Variants in CBLN2 observed in about 807,000 individuals in gnomAD.
The protein encoded by CBLN2 is cerebellin-2.
A neutral mutation model predicts 15.0 loss-of-function variants in CBLN2; 7 were observed. The observed-to-expected ratio is 0.47, with a 90% CI of 0.27 to 0.88. The LOEUF (loss-of-function observed/expected upper bound fraction) is 0.88. Among genes scored for constraint, CBLN2 ranks in the 40% least tolerant of loss-of-function variants. The pLI is 0.14. For synonymous variants in CBLN2, 149 were observed against 135.2 expected (o/e 1.10, Z -0.71); for missense variants, 242 against 304.5 (o/e 0.79, Z 1.53).
At chr18:72,616,009 C>A (rs981449015) in intron 1 of CBLN2, among the ~76,000 whole-genome samples, 1 of 152,174 alleles carries the variant, frequency 6.6e-6, no homozygotes, top group African/African-American at 2.4e-5. Flanking sequence ...AAAAAGCTTT[C>A]AGAAGTTTCC....
In CBLN2 at chr18:72,537,762, G is replaced by A; in HGVS notation, c.*414C>T. 2.2e-5 allele frequency: 6 copies of A among 268,206 alleles called. No homozygotes were observed. The South Asian group carries it at 2.2e-4, about 10-fold the overall frequency. The allele number at this position is 268,206 out of a possible 1,614,324, so 16.6% of individuals were successfully genotyped here. ...AGGACTGTCCAGCAGGTGGTTCTTT[G>A]CTGGGCTCCTACTTCAAGCCCTGAC... On this transcript the variant is annotated 3_prime_UTR_variant, in exon 5 of 5. Coordinates refer to ENST00000269503, the MANE Select transcript of CBLN2 (RefSeq NM_182511.4).
In CBLN2 at chr18:72,542,275, G is replaced by C. The variant is rs8093595; in HGVS notation, c.-115C>G. The C allele has an allele frequency of 0.057, 32,845 of 577,664 alleles. 2,890 individuals carry two copies. Among genetic ancestry groups the C allele is most frequent in the East Asian group, 0.47 (7,138 of 15,266 alleles). The allele number at this position is 577,664 out of a possible 1,614,324, so 35.8% of individuals were successfully genotyped here. A position where few individuals can be genotyped will look rare whatever the true frequency, so the allele number is the denominator to read the frequency against. On this transcript the variant is annotated 5_prime_UTR_variant, in exon 3 of 5. Transcript: ENST00000269503. The stretch of plus-strand genomic sequence containing the variant: ...GCAGCCTCCGGGGGCCTTCGTCCCC[G>C]GCTCTGACGTTCAAGGCCAGGGTCG...
At chr18:72,547,942 G>A (rs1034599881), upstream of CBLN2, among the ~76,000 whole-genome samples, 6 of 152,134 alleles carry the variant, frequency 3.9e-5, no homozygotes, top group African/African-American at 4.8e-5. Context: ...AACATCCGGC[G>A]ATTGTTCTGC....
intron 1 of CBLN2, among the ~76,000 whole-genome samples, chr18:72,629,494 G>C (rs1460070441): frequency 1.3e-5 from 2 of 152,094 alleles, no homozygotes; most frequent in Non-Finnish European, 2.9e-5. Flanking sequence ...CAATGGCCTA[G>C]TGACTTCTAG....
rs535645772 is a variant in CBLN2, at chr18:72,626,655, G to T, written c.15+11670C>A. ...ACAGAGGTAGCAGTGAGCCAAGATT[G>T]CACCACTGTACTCCAACCTTGGCGA... On this transcript the variant is annotated intron_variant, in intron 1 of 2. Transcript: ENST00000581073. Among the ~76,000 whole-genome samples the T allele has an allele frequency of 3.9e-5, 6 of 152,128 alleles. No individual in the cohort carries two copies. The East Asian group carries it at 9.7e-4, about 25-fold the overall frequency.
chr18:72,577,853 A>G (rs2069378143), intron 1 of CBLN2, among the ~76,000 whole-genome samples: 2 of 152,252 alleles, frequency 1.3e-5, no homozygotes, highest in African/African-American at 4.8e-5. Flanking sequence ...TAAGAATTAT[A>G]CCATTGCCAT....
At chr18:72,607,640 C>A (rs779601031) in intron 1 of CBLN2, among the ~76,000 whole-genome samples, 1 of 151,908 alleles carries the variant, frequency 6.6e-6, no homozygotes, top group East Asian at 1.9e-4. Context: ...CAAACTGAAG[C>A]GCTAGCCAAA....
intron 1 of CBLN2, among the ~76,000 whole-genome samples, chr18:72,617,480 A>C (rs776838299): frequency 1.3e-5 from 2 of 152,208 alleles, no homozygotes; most frequent in Non-Finnish European, 2.9e-5. Flanking sequence ...AAAGCCTTGG[A>C]ATGATACTGA....
At chr18:72,567,243 T>C (rs922274453) in intron 1 of CBLN2, among the ~76,000 whole-genome samples, 13 of 152,194 alleles carry the variant, frequency 8.5e-5, no homozygotes, top group Non-Finnish European at 1.6e-4. Flanking sequence ...TTATCACATG[T>C]CAATCAAAAA....
In CBLN2 at chr18:72,536,850, C is replaced by G; in HGVS notation, c.*1326G>C. ...CATATGCATTACACACCCATCAACTCTCAGCTGTGTCTTAATAATGTTGTA... is the reference window on the plus strand; with the variant it reads ...CATATGCATTACACACCCATCAACTGTCAGCTGTGTCTTAATAATGTTGTA... On this transcript the variant is annotated 3_prime_UTR_variant, in exon 5 of 5. Transcript: ENST00000269503. The G allele has an allele frequency of 6.6e-6, 1 of 152,614 alleles. No individual in the cohort carries two copies. 9.5% of individuals were successfully genotyped at this position (152,614 alleles called of 1,614,324 possible). A position where few individuals can be genotyped will look rare whatever the true frequency, so the allele number is the denominator to read the frequency against.
intron 1 of CBLN2, among the ~76,000 whole-genome samples, chr18:72,629,970 A>G (rs141329301): frequency 9.7e-4 from 148 of 152,312 alleles, no homozygotes; most frequent in African/African-American, 3.5e-3. Context: ...AAAAGATACC[A>G]AAGTGGAAGT....
At chr18:72,627,439 C>T (rs953354094) in intron 1 of CBLN2, among the ~76,000 whole-genome samples, 9 of 152,282 alleles carry the variant, frequency 5.9e-5, no homozygotes, top group African/African-American at 2.2e-4. Context: ...GATGTTGCTG[C>T]GTGGCAGGCC....
At chr18:72,611,424 T>C (rs1599022515) in intron 1 of CBLN2, among the ~76,000 whole-genome samples, 1 of 152,304 alleles carries the variant, frequency 6.6e-6, no homozygotes, top group Middle Eastern at 3.4e-3. Flanking sequence ...TTTTTGACTT[T>C]CAATAATAGC....
At chr18:72,553,152 C>T (rs2069201632) in intron 1 of CBLN2, among the ~76,000 whole-genome samples, 2 of 152,102 alleles carry the variant, frequency 1.3e-5, no homozygotes, top group South Asian at 4.1e-4. Flanking sequence ...CAACAGGAGA[C>T]CAGAGGGGAG....
chr18:72,568,615 A>T (rs1003510159), intron 1 of CBLN2, among the ~76,000 whole-genome samples: 1 of 152,172 alleles, frequency 6.6e-6, no homozygotes, highest in Non-Finnish European at 1.5e-5. Flanking sequence ...ATTAAAAACA[A>T]ATGTAATAAA....
chr18:72,615,189 TATAA>T (rs1318184791), intron 1 of CBLN2, among the ~76,000 whole-genome samples: 1 of 135,674 alleles, frequency 7.4e-6, no homozygotes, highest in Admixed American at 8.0e-5. Flanking sequence ...ATATATTATA[TATAA>T]ATATATATTT....
At chr18:72,581,877 G>A (rs916485963) in intron 1 of CBLN2, among the ~76,000 whole-genome samples, 2 of 152,116 alleles carry the variant, frequency 1.3e-5, no homozygotes, top group East Asian at 1.9e-4. Flanking sequence ...GTTTGTGAGT[G>A]TGTTTTGCAT....
intron 1 of CBLN2, among the ~76,000 whole-genome samples, chr18:72,555,346 T>C (rs1167121188): frequency 6.6e-6 from 1 of 152,064 alleles, no homozygotes; most frequent in Admixed American, 6.5e-5. Context: ...AGGTATTCAG[T>C]TTAAAGAAAC....
At chr18:72,572,657 A>G (rs2144908260) in intron 1 of CBLN2, among the ~76,000 whole-genome samples, 1 of 152,172 alleles carries the variant, frequency 6.6e-6, no homozygotes, top group East Asian at 1.9e-4. Flanking sequence ...AGCCTCAAGG[A>G]ATCCATCCAC....
Sources: gnomAD v4.1 joint callset for allele counts (sites outside exome capture counted in the v4.1 genomes callset) on GRCh38, gnomAD v4.1.1 for gene constraint, MANE v1.5 for transcripts, NCBI Gene and HGNC (gene_info 2026-07-23, HGNC 2026-07-21) for gene names.